The following PLCB4 variants were observed in gnomAD, a reference collection of about 807,000 sequenced individuals.
The protein encoded by PLCB4 is phospholipase C beta 4, also known as 1-phosphatidylinositol 4,5-bisphosphate phosphodiesterase beta-4.
A neutral mutation model predicts 178.8 loss-of-function variants in PLCB4; 77 were observed. The ratio of observed to expected loss-of-function variants is 0.43; its 90% CI spans 0.36 to 0.52. The LOEUF is 0.52. PLCB4 is among the 20% of genes least tolerant of loss of function. The pLI, the probability that PLCB4 is intolerant of heterozygous loss-of-function variation, is 0.00. For missense variants in PLCB4, 1,024 were observed against 1,453.4 expected (o/e 0.70, Z 4.80); for synonymous variants, 496 against 490.8 (o/e 1.01, Z -0.14).
Position 9,371,309 on chromosome 20 carries a change from T to C in PLCB4, c.585+14T>C. The C allele has an allele frequency of 7.2e-7, 1 of 1,384,052 alleles. No individual in the cohort carries two copies. The highest frequency in any genetic ancestry group is 1.0e-6 in the Non-Finnish European group (1 of 975,126). 85.7% of individuals were successfully genotyped at this position (1,384,052 alleles called of 1,614,324 possible). On this transcript the variant is annotated intron_variant, in intron 10 of 39. Transcript: ENST00000378473. Reference sequence around the variant, plus strand: ...CCCAGTGGAAAGGTATGCATTAACTTAATAATGTATTTCTAAAACCATTTT... The same window carrying C: ...CCCAGTGGAAAGGTATGCATTAACTCAATAATGTATTTCTAAAACCATTTT...
At chr20:9,272,941 T>C (rs4816129) in intron 3 of PLCB4, among the ~76,000 whole-genome samples, 78,802 of 150,800 alleles carry the variant, frequency 0.52, 23,748 homozygotes, top group African/African-American at 0.83. Flanking sequence ...GTGTTGGATA[T>C]ATAGAAGGTA....
At chr20:9,136,373 C>T (rs906722315) in intron 2 of PLCB4, among the ~76,000 whole-genome samples, 1 of 152,022 alleles carries the variant, frequency 6.6e-6, no homozygotes, top group Non-Finnish European at 1.5e-5. Context: ...CCACTGTGGG[C>T]AACTGAGGCT....
chr20:9,261,919 T>C (rs935368071), intron 3 of PLCB4, among the ~76,000 whole-genome samples: 5 of 152,210 alleles, frequency 3.3e-5, no homozygotes, highest in African/African-American at 1.2e-4. Context: ...CTATATTCTG[T>C]CCTTGTCTCA....
chr20:9,293,611 A>G lies in PLCB4; in HGVS notation c.-15-14189A>G, dbSNP rs931791216. 4.8e-5 allele frequency among the ~76,000 whole-genome samples: 7 copies of G among 146,882 alleles called. No individual in the cohort carries two copies. The Admixed American group carries it at 4.8e-4, about 10-fold the overall frequency. On this transcript the variant is annotated intron_variant, in intron 3 of 39. Coordinates refer to ENST00000378473, the MANE Select transcript of PLCB4 (RefSeq NM_001377142.1). ...TTGGGGGTTGGTTGGGAGCTCCTCC[A>G]CAGAGTAAAATATTCATTCATTCAT...
intron 19 of PLCB4, 43 bp from the exon 20 acceptor site, chr20:9,401,447 C>A: frequency 7.7e-7 from 1 of 1,302,586 alleles, no homozygotes; most frequent in Non-Finnish European, 1.1e-6. Flanking sequence ...GACTACTTGG[C>A]AGTGGTTTGG....
At chr20:9,456,930 C>T (rs1238299353) in intron 33 of PLCB4, among the ~76,000 whole-genome samples, 1 of 152,122 alleles carries the variant, frequency 6.6e-6, no homozygotes, top group African/African-American at 2.4e-5. Flanking sequence ...CATATATTTC[C>T]TACTCACAAT....
chr20:9,404,392 T>C (rs2039277902), intron 20 of PLCB4, among the ~76,000 whole-genome samples: 3 of 152,106 alleles, frequency 2.0e-5, no homozygotes, highest in Non-Finnish European at 4.4e-5. Context: ...ATATAGGGAA[T>C]TGTGACTACT....
chr20:9,373,371 A>T (rs1205539089), intron 12 of PLCB4, among the ~76,000 whole-genome samples: 1 of 152,154 alleles, frequency 6.6e-6, no homozygotes, highest in South Asian at 2.1e-4. Context: ...GAATTGTATA[A>T]TATATTCATT....
chr20:9,233,268 C>A (rs1284207617), intron 3 of PLCB4, among the ~76,000 whole-genome samples: 1 of 151,978 alleles, frequency 6.6e-6, no homozygotes, highest in African/African-American at 2.4e-5. Flanking sequence ...GCTAAATAGT[C>A]ACTTTTTTGT....
At chr20:9,201,418 T>C (rs1347558623) in intron 2 of PLCB4, among the ~76,000 whole-genome samples, 1 of 152,230 alleles carries the variant, frequency 6.6e-6, no homozygotes, top group Non-Finnish European at 1.5e-5. Flanking sequence ...TGGGAATCTA[T>C]TGTGATTATT....
intron 30 of PLCB4, among the ~76,000 whole-genome samples, chr20:9,439,418 T>C (rs1029373339): frequency 6.6e-6 from 1 of 152,182 alleles, no homozygotes; most frequent in Non-Finnish European, 1.5e-5. Context: ...AGTGAACCAA[T>C]ATTCAAGGGG....
chr20:9,358,605 C>T (rs2035041621), intron 7 of PLCB4, among the ~76,000 whole-genome samples: 1 of 152,142 alleles, frequency 6.6e-6, no homozygotes, highest in East Asian at 1.9e-4. Context: ...TTAGAAATGC[C>T]AATAGCAGAC....
In PLCB4 at chr20:9,444,257, CAGCT is replaced by C. The variant is rs760139501; in HGVS notation, c.2880+16_2880+19del. The C allele has an allele frequency of 7.2e-6, 11 of 1,517,708 alleles. No homozygotes were observed. The highest frequency in any genetic ancestry group is 1.7e-4 in the Middle Eastern group (1 of 5,860). 94.0% of individuals were successfully genotyped at this position (1,517,708 alleles called of 1,614,324 possible). On this transcript the variant is annotated intron_variant, in intron 32 of 39. Transcript: ENST00000378473. ...AAACATGCAAAGGTACAGTGCTCTA[CAGCT>C]ACTATTTTGTGTTATGTATGGATGA...
rs1260034334 is a variant in PLCB4 at position 9,369,602 on chromosome 20, C to A, written c.504-1612C>A. On this transcript the variant is annotated intron_variant, in intron 9 of 39. Transcript: ENST00000378473. ...CAGGCCTCCTTATATTTGAATACAA[C>A]TGTCTCAAGAACTCTTAAAAATGTA... Among the ~76,000 whole-genome samples, 3 of 152,340 alleles carry A rather than the reference C, an allele frequency of 2.0e-5. No individual in the cohort carries two copies. In the East Asian group the frequency reaches 5.8e-4, roughly 29 times the overall value.
At chr20:9,450,658 C>CTTTTTTTTTTTTTTTT (rs60982044) in intron 32 of PLCB4, among the ~76,000 whole-genome samples, 54 of 100,226 alleles carry the variant, frequency 5.4e-4, no homozygotes, top group Non-Finnish European at 6.0e-4. Context: ...CTTTTCTTTT[C>CTTTTTTTTTTTTTTTT]TTTTTTTTTT....
chr20:9,463,660 A>G (rs2043560945), intron 35 of PLCB4, among the ~76,000 whole-genome samples: 1 of 151,900 alleles, frequency 6.6e-6, no homozygotes, highest in Non-Finnish European at 1.5e-5. Flanking sequence ...CTTTAAACCA[A>G]CAAAGATCAA....
intron 3 of PLCB4, among the ~76,000 whole-genome samples, chr20:9,304,781 ATGT>A (rs2094745993): frequency 6.6e-6 from 1 of 150,796 alleles, no homozygotes; most frequent in Non-Finnish European, 1.5e-5. Flanking sequence ...TGTTTGTCTC[ATGT>A]TGTTGTTACA....
chr20:9,443,529 C>T (rs2042231655), intron 30 of PLCB4, among the ~76,000 whole-genome samples: 1 of 152,144 alleles, frequency 6.6e-6, no homozygotes, highest in African/African-American at 2.4e-5. Flanking sequence ...ACCTCTGTAG[C>T]ACTCAGCTGA....
chr20:9,372,527 T>A, intron 11 of PLCB4, 124 bp downstream of exon 11: 1 of 541,284 alleles, frequency 1.8e-6, no homozygotes, highest in African/African-American at 2.0e-5. Flanking sequence ...TAGTCAGGGT[T>A]ACATTTTTAA....
Sources: allele counts gnomAD v4.1 joint callset (sites outside exome capture counted in the v4.1 genomes callset), GRCh38; gene constraint gnomAD v4.1.1; transcripts MANE v1.5; gene names NCBI Gene and HGNC (gene_info 2026-07-23, HGNC 2026-07-21).